The following AKAP19 variants were observed in gnomAD, a reference collection of about 807,000 sequenced individuals.
AKAP19 encodes A-kinase anchoring protein 19.
At chr2:190,010,108 A>G in the AKAP19 span, among the ~76,000 whole-genome samples, 7 of 152,262 alleles carry the variant, frequency 4.6e-5, no homozygotes, top group Non-Finnish European at 1.0e-4. Flanking sequence ...TTTGTAAGAA[A>G]TAAAACAAAA....
the AKAP19 span, among the ~76,000 whole-genome samples, chr2:189,970,982 TTC>T: frequency 5.9e-5 from 9 of 152,312 alleles, no homozygotes; most frequent in African/African-American, 1.9e-4. Context: ...TTCTTTTTTA[TTC>T]TCTTTTTTTA....
the AKAP19 span, among the ~76,000 whole-genome samples, chr2:190,091,868 C>T: frequency 1.7e-3 from 259 of 151,900 alleles, 3 homozygotes; most frequent in African/African-American, 5.8e-3. Flanking sequence ...ATATAGAAAA[C>T]ACAAAGCCAA....
the AKAP19 span, among the ~76,000 whole-genome samples, chr2:189,981,288 T>TGC: frequency 6.6e-6 from 1 of 151,736 alleles, no homozygotes; most frequent in Non-Finnish European, 1.5e-5. Flanking sequence ...TTTTTTTTTT[T>TGC]TTTGCTGTTG....
chr2:189,980,265 A>G, the AKAP19 span, among the ~76,000 whole-genome samples: 1 of 152,226 alleles, frequency 6.6e-6, no homozygotes, highest in African/African-American at 2.4e-5. Flanking sequence ...TTGCAGCAAC[A>G]TGGATGTAAA....
the AKAP19 span, among the ~76,000 whole-genome samples, chr2:189,893,657 C>T: frequency 5.3e-5 from 8 of 152,144 alleles, no homozygotes; most frequent in Admixed American, 3.3e-4. Flanking sequence ...CAGAGCTGTT[C>T]CTGTTCGGCC....
the AKAP19 span, among the ~76,000 whole-genome samples, chr2:190,172,007 C>T: frequency 1.3e-5 from 2 of 152,182 alleles, no homozygotes; most frequent in African/African-American, 4.8e-5. Context: ...CAACGGGTGT[C>T]TGTTCCTTAT....
At chr2:189,938,147 G>A in the AKAP19 span, among the ~76,000 whole-genome samples, 3 of 151,970 alleles carry the variant, frequency 2.0e-5, no homozygotes, top group Non-Finnish European at 4.4e-5. Flanking sequence ...ACCAGCCTGG[G>A]CAACATGGTG....
chr2:190,054,736 A>G, the AKAP19 span, among the ~76,000 whole-genome samples: 1 of 152,364 alleles, frequency 6.6e-6, no homozygotes, highest in South Asian at 2.1e-4. Flanking sequence ...AATGCTCATC[A>G]TCACTGGCCA....
chr2:189,907,991 C>CA, the AKAP19 span, among the ~76,000 whole-genome samples: 1 of 151,606 alleles, frequency 6.6e-6, no homozygotes, highest in Non-Finnish European at 1.5e-5. Context: ...CTTATTTTGT[C>CA]AAAAAAATCG....
At chr2:190,117,395 T>C in the AKAP19 span, among the ~76,000 whole-genome samples, 230 of 152,190 alleles carry the variant, frequency 1.5e-3, no homozygotes, top group Non-Finnish European at 2.6e-3. Flanking sequence ...TGGCAAATAG[T>C]AGTATACAAT....
At chr2:190,135,133 C>T in the AKAP19 span, among the ~76,000 whole-genome samples, 3 of 152,152 alleles carry the variant, frequency 2.0e-5, no homozygotes, top group Non-Finnish European at 4.4e-5. Flanking sequence ...TCTATTTCGG[C>T]ATGAATAATT....
the AKAP19 span, among the ~76,000 whole-genome samples, chr2:189,937,446 C>T: frequency 9.1e-6 from 1 of 109,386 alleles, no homozygotes; most frequent in African/African-American, 3.5e-5. Context: ...CACAGAAAAC[C>T]ACAAACAAGA....
chr2:189,970,847 G>A, the AKAP19 span, among the ~76,000 whole-genome samples: 16 of 152,122 alleles, frequency 1.1e-4, no homozygotes, highest in Non-Finnish European at 2.2e-4. Context: ...ACTTAGTATC[G>A]TCAGACATTT....
At chr2:189,924,263 G>A in the AKAP19 span, 24 of 1,273,510 alleles carry the variant, frequency 1.9e-5, no homozygotes, top group Non-Finnish European at 2.7e-5. Context: ...TCTTTACCTA[G>A]GCGCTTGTCT....
At chr2:190,109,110 G>A in the AKAP19 span, among the ~76,000 whole-genome samples, 3 of 152,112 alleles carry the variant, frequency 2.0e-5, no homozygotes, top group East Asian at 5.8e-4. Context: ...TTTTGCATAT[G>A]TTATGCCAGA....
the AKAP19 span, among the ~76,000 whole-genome samples, chr2:190,084,090 G>GTTTTTT: frequency 5.3e-5 from 7 of 132,086 alleles, 1 homozygote; most frequent in Non-Finnish European, 7.9e-5. Context: ...TAGAGCTCAG[G>GTTTTTT]TTTTTTTTTT....
At chr2:190,136,414 C>A in the AKAP19 span, among the ~76,000 whole-genome samples, 1 of 152,132 alleles carries the variant, frequency 6.6e-6, no homozygotes, top group Admixed American at 6.5e-5. Context: ...TCAGCATAGA[C>A]AAAATGCCAA....
the AKAP19 span, among the ~76,000 whole-genome samples, chr2:190,172,447 C>A: frequency 3.9e-5 from 6 of 152,300 alleles, no homozygotes; most frequent in Admixed American, 6.5e-5. Flanking sequence ...TAGAAAATAT[C>A]ATTGTTCTGA....
At chr2:190,171,295 A>C in the AKAP19 span, among the ~76,000 whole-genome samples, 1 of 152,158 alleles carries the variant, frequency 6.6e-6, no homozygotes, top group East Asian at 1.9e-4. Flanking sequence ...AAGGTGAAGG[A>C]AGGCCTGAAA....
Sources: gnomAD v4.1 joint callset for allele counts (sites outside exome capture counted in the v4.1 genomes callset) on GRCh38, gnomAD v4.1.1 for gene constraint, MANE v1.5 for transcripts, NCBI Gene and HGNC (gene_info 2026-07-23, HGNC 2026-07-21) for gene names.